The following PCDHGA8 variants were observed in gnomAD, a reference collection of about 807,000 sequenced individuals.
The protein encoded by PCDHGA8 is protocadherin gamma-A8.
PCDHGA8 carries 45 observed loss-of-function variants against 59.2 expected under a neutral mutation model. The observed-to-expected ratio is 0.76, with a 90% CI of 0.60 to 0.98. The LOEUF is 0.98. PCDHGA8 is among the 50% of genes least tolerant of loss of function. PCDHGA8 has a pLI of 0.00. For synonymous variants in PCDHGA8, 531 were observed against 519.0 expected (o/e 1.02, Z -0.32); for missense variants, 1,257 against 1,196.2 (o/e 1.05, Z -0.75).
At chr5:141,419,600 G>A (rs1304962440) in intron 1 of PCDHGA8, 3 of 1,611,816 alleles carry the variant, frequency 1.9e-6, no homozygotes, top group Non-Finnish European at 2.5e-6. Context: ...AGTGCCGCGG[G>A]CCGCGCAGCC....
intron 3 of PCDHGA8, 157 bp downstream of exon 3, chr5:141,505,638 T>C: frequency 1.0e-6 from 1 of 968,044 alleles, no homozygotes; most frequent in Non-Finnish European, 1.2e-6. Context: ...ACATAAAGCC[T>C]GGAATTGTGG....
intron 1 of PCDHGA8, among the ~76,000 whole-genome samples, chr5:141,467,288 A>G (rs1322298174): frequency 6.6e-6 from 1 of 152,084 alleles, no homozygotes; most frequent in Non-Finnish European, 1.5e-5. Context: ...CTTGACCTCA[A>G]GTGATCCACT....
rs773126086 is a variant in PCDHGA8 at position 141,487,392 on chromosome 5, G to C, written c.2425-7415G>C. The C allele has an allele frequency of 6.2e-7, 1 of 1,614,176 alleles. No homozygotes were observed. Among genetic ancestry groups the C allele is most frequent in the Non-Finnish European group, 8.5e-7 (1 of 1,180,024 alleles). ...GCCTGTCTCACCAGATCTCGAAGGA[G>C]GGAGGGGCTTCCCCCTTCCAATGGG... On this transcript the variant is annotated intron_variant, in intron 1 of 3. Coordinates refer to ENST00000398604, the MANE Select transcript of PCDHGA8 (RefSeq NM_032088.2). This position sits in a 1 kb window ranked among gnomAD's most constrained non-coding sequence, Gnocchi z 5.0.
chr5:141,486,425 A>C lies in PCDHGA8; in HGVS notation c.2425-8382A>C. The C allele has an allele frequency of 6.2e-7, 1 of 1,614,228 alleles. No homozygotes were observed. On this transcript the variant is annotated intron_variant, in intron 1 of 3. Transcript: ENST00000398604. This position sits in a 1 kb window ranked among gnomAD's most constrained non-coding sequence, Gnocchi z 5.0. Reference sequence around the variant, plus strand: ...TGCTGGACCCTTGGATCGAGAGGCCAAATCTAGCTATGACATCATGGTCAC... The same window carrying C: ...TGCTGGACCCTTGGATCGAGAGGCCCAATCTAGCTATGACATCATGGTCAC...
At chr5:141,418,878 A>G (rs1193526475) in intron 1 of PCDHGA8, 2 of 1,613,930 alleles carry the variant, frequency 1.2e-6, no homozygotes, top group Non-Finnish European at 8.5e-7. Context: ...GTTGTAGACG[A>G]AAACGACAAC....
rs773174763 is a variant in PCDHGA8 at position 141,477,409 on chromosome 5, C to T, written c.2425-17398C>T. The T allele has an allele frequency of 1.4e-5, 22 of 1,614,058 alleles. No homozygotes were observed. The highest frequency in any genetic ancestry group is 1.7e-5 in the Admixed American group (1 of 60,006). On this transcript the variant is annotated intron_variant, in intron 1 of 3. Transcript: ENST00000398604. This position sits in a 1 kb window ranked among gnomAD's most constrained non-coding sequence, Gnocchi z 4.9. ...ACAACCTCAGCATCACCGCCCGAGA[C>T]GCCGGAACCCCTTCCCTCTCAGCCC...
chr5:141,393,766 A>G lies in PCDHGA8; in HGVS notation c.953A>G (p.Glu318Gly). The G allele has an allele frequency of 1.2e-6, 2 of 1,613,950 alleles. No individual in the cohort carries two copies. The change falls in exon 1 of 4, where the codon GAA becomes GGA. Residue 318 changes from glutamate to glycine, a missense_variant. Glu to Gly is a moderately conservative substitution (Grantham distance 98). Transcript: ENST00000398604. ...DYEECSFYEM[E>G]IQAEDVGALL... ...GAAGAATGTTCATTTTATGAAATGG[A>G]AATACAAGCCGAAGATGTGGGGGCA...
chr5:141,507,609 A>G (rs2099862010), intron 3 of PCDHGA8, among the ~76,000 whole-genome samples: 1 of 152,260 alleles, frequency 6.6e-6, no homozygotes, highest in Non-Finnish European at 1.5e-5. Context: ...ATAAACAGGT[A>G]TATTTAGCTG....
chr5:141,427,213 G>A (rs566924176), intron 1 of PCDHGA8: 3 of 456,706 alleles, frequency 6.6e-6, no homozygotes, highest in East Asian at 6.9e-5. Context: ...TTCGAATTTC[G>A]TAGCAGTTAT....
In PCDHGA8 at chr5:141,422,942, G is replaced by T. The variant is rs199976232; in HGVS notation, c.2424+27705G>T. On this transcript the variant is annotated intron_variant, in intron 1 of 3. Transcript: ENST00000398604. Reference sequence around the variant, plus strand: ...CTGTACCCTGCCCTCCCCACAGACGGCTCCACTGGCGTGGAGCTGGCGCCC... The same window carrying T: ...CTGTACCCTGCCCTCCCCACAGACGTCTCCACTGGCGTGGAGCTGGCGCCC... The T allele has an allele frequency of 3.6e-4, 583 of 1,614,096 alleles. 1 individual carries two copies. Among genetic ancestry groups the T allele is most frequent in the South Asian group, 5.2e-4 (47 of 91,090 alleles).
intron 3 of PCDHGA8, 67 bp from the exon 4 acceptor site, chr5:141,510,880 G>A (rs373993657): frequency 1.9e-6 from 3 of 1,611,784 alleles, no homozygotes; most frequent in Admixed American, 3.3e-5. Context: ...AACTGCTGGG[G>A]ATATAAGACA....
At chr5:141,482,530 C>CAAAAAAAAAAAAAAA (rs3074545) in intron 1 of PCDHGA8, among the ~76,000 whole-genome samples, 1 of 76,562 alleles carries the variant, frequency 1.3e-5, no homozygotes, top group African/African-American at 4.8e-5. Flanking sequence ...GACAGACATG[C>CAAAAAAAAAAAAAAA]AAAAAAAAAA....
rs777314784 is a variant in PCDHGA8, at chr5:141,432,669, C to A, written c.2424+37432C>A. On this transcript the variant is annotated intron_variant, in intron 1 of 3. Transcript: ENST00000398604. The surrounding 1 kb of genome is among the most constrained non-coding windows in gnomAD (Gnocchi z 6.0). ...GCGCGAGCCCTGCTGGACAGAGACG[C>A]GCTCAAGCAGAGCCTCGTAGTGGCC... 1 of 1,613,894 alleles carries A rather than the reference C, an allele frequency of 6.2e-7. No homozygotes were observed. Among genetic ancestry groups the A allele is most frequent in the Non-Finnish European group, 8.5e-7 (1 of 1,179,950 alleles).
chr5:141,408,889 A>G, intron 1 of PCDHGA8: 1 of 1,613,232 alleles, frequency 6.2e-7, no homozygotes, highest in Non-Finnish European at 8.5e-7. Flanking sequence ...CTCACATAGA[A>G]ATTTCTGTCA....
chr5:141,439,443 G>A (rs867907022), intron 1 of PCDHGA8, among the ~76,000 whole-genome samples: 1 of 152,164 alleles, frequency 6.6e-6, no homozygotes, highest in Non-Finnish European at 1.5e-5. Flanking sequence ...ATATTTTATT[G>A]CGGGAGCAAG....
chr5:141,478,327 A>G lies in PCDHGA8; in HGVS notation c.2425-16480A>G, dbSNP rs149317962. The G allele has an allele frequency of 9.9e-6, 16 of 1,613,974 alleles. No homozygotes were observed. The African/African-American group carries it at 2.0e-4, about 20-fold the overall frequency. The stretch of plus-strand genomic sequence containing the variant: ...CCCCGGTGAGCTCACTGTACCGAAC[A>G]CCAGGGCCCTCCTTGCACGCGGACG... On this transcript the variant is annotated intron_variant, in intron 1 of 3. Transcript: ENST00000398604.
chr5:141,487,516 G>A lies in PCDHGA8; in HGVS notation c.2425-7291G>A, dbSNP rs2099648095. On this transcript the variant is annotated intron_variant, in intron 1 of 3. Coordinates refer to ENST00000398604, the MANE Select transcript of PCDHGA8 (RefSeq NM_032088.2). The surrounding 1 kb of genome is among the most constrained non-coding windows in gnomAD (Gnocchi z 5.0). ...CACCCTTGGCTTCTGCACCCACTCG[G>A]AGTGATAGCTTCATGATGGTGAAGT... 6.2e-7 allele frequency: 1 copy of A among 1,614,078 alleles called. No individual in the cohort carries two copies. The highest frequency in any genetic ancestry group is 1.7e-5 in the Admixed American group (1 of 60,010).
chr5:141,421,374 C>G, intron 1 of PCDHGA8: 1 of 1,614,062 alleles, frequency 6.2e-7, no homozygotes, highest in Non-Finnish European at 8.5e-7. Context: ...TGGGCAATAT[C>G]TCCAAGGACC....
intron 1 of PCDHGA8, chr5:141,413,792 G>C (rs1390056342): frequency 6.2e-7 from 1 of 1,613,134 alleles, no homozygotes; most frequent in South Asian, 1.1e-5. Context: ...TCCCTAGATC[G>C]CGAGGAAGAG....
Sources: gnomAD v4.1 joint callset for allele counts (sites outside exome capture counted in the v4.1 genomes callset) on GRCh38, gnomAD v4.1.1 for gene constraint, Gnocchi (gnomAD v3.1) non-coding constraint, MANE v1.5 for transcripts, NCBI Gene and HGNC (gene_info 2026-07-23, HGNC 2026-07-21) for gene names.